Variants in CFHR4 observed in about 807,000 individuals in gnomAD.
The protein encoded by CFHR4 is complement factor H-related protein 4.
CFHR4 carries 64 observed loss-of-function variants against 69.3 expected under a neutral mutation model. The observed-to-expected ratio is 0.92, with a 90% CI of 0.76 to 1.14. CFHR4 has a LOEUF of 1.14. Among genes scored for constraint, CFHR4 ranks in the 50% most tolerant of loss-of-function variants. CFHR4 has a pLI of 0.00. For missense variants in CFHR4, 636 were observed against 684.9 expected, an observed-to-expected ratio of 0.93 and a Z score of 0.80; for synonymous variants, 244 against 237.0, an observed-to-expected ratio of 1.03 and a Z score of -0.27.
At chr1:196,906,443 A>T (rs1253914000) in intron 3 of CFHR4, among the ~76,000 whole-genome samples, 1 of 151,518 alleles carries the variant, frequency 6.6e-6, no homozygotes, top group East Asian at 1.9e-4. Flanking sequence ...ATATCCAATG[A>T]ATATAATTTT....
At chr1:196,918,146 T>A (rs1215985109) in intron 9 of CFHR4, 64 bp from the exon 10 acceptor site, 18 of 1,508,620 alleles carry the variant, frequency 1.2e-5, no homozygotes, top group Non-Finnish European at 1.6e-5. Context: ...CTCATTAGGA[T>A]GCATTTTATT....
chr1:196,905,003 C>T lies in CFHR4; in HGVS notation c.257-105C>T, dbSNP rs570800439. On this transcript the variant is annotated intron_variant, in intron 2 of 9. Transcript: ENST00000608469. ...AGTTTTGCTGTTTTCAATTCATTAA[C>T]AGATGTTTCATTGTTTCACCATACT... is the stretch of plus-strand genomic sequence containing the variant. 10 of 1,086,158 alleles carry T rather than the reference C, an allele frequency of 9.2e-6. No individual in the cohort carries two copies. In the African/African-American group the frequency reaches 1.6e-4, roughly 18 times the overall value. 67.3% of individuals were successfully genotyped at this position (1,086,158 alleles called of 1,614,324 possible).
chr1:196,913,614 G>A (rs1287597932), intron 7 of CFHR4, among the ~76,000 whole-genome samples: 1 of 151,274 alleles, frequency 6.6e-6, no homozygotes, highest in Non-Finnish European at 1.5e-5. Flanking sequence ...GGCAAAAGTT[G>A]ATTTTTTTTC....
intron 1 of CFHR4, among the ~76,000 whole-genome samples, chr1:196,900,148 T>A (rs1466607286): frequency 6.6e-6 from 1 of 151,328 alleles, no homozygotes; most frequent in Non-Finnish European, 1.5e-5. Flanking sequence ...GCAACCACTA[T>A]AAAAATTAGT....
rs1425251481 is a variant in CFHR4 at position 196,912,742 on chromosome 1, A to G, written c.1000A>G (p.Thr334Ala). The change falls in exon 7 of 10, where the codon ACA (threonine) becomes GCA (alanine). Residue 334 changes from threonine (T) to alanine (A), a missense_variant and splice_region_variant. This residue lies in a region of CFHR4 where 529 missense variants were observed against 533.2 expected (regional missense o/e 0.99). Coordinates refer to ENST00000608469, the MANE Select transcript of CFHR4 (RefSeq NM_001201550.3). ...TTTCTCTACTTTTTCTATTTTAGGAACATGCTCAAAATCAGATATAGAAAT... is the reference window on the plus strand; with the variant it reads ...TTTCTCTACTTTTTCTATTTTAGGAGCATGCTCAAAATCAGATATAGAAAT... The part of the protein sequence containing the change: ...GWLPTVPCLR[T>A]CSKSDIEIEN... 2.0e-5 allele frequency: 31 copies of G among 1,585,790 alleles called. No individual in the cohort carries two copies. Among genetic ancestry groups the G allele is most frequent in the Non-Finnish European group, 2.6e-5 (30 of 1,167,218 alleles).
At chr1:196,913,366 T>C (rs1039570628) in intron 7 of CFHR4, among the ~76,000 whole-genome samples, 2 of 151,414 alleles carry the variant, frequency 1.3e-5, no homozygotes, top group African/African-American at 4.9e-5. Flanking sequence ...ATCAGGAGAA[T>C]CAGACCGTAA....
rs1157281625 is a variant in CFHR4, at chr1:196,906,503, T to A, written c.440-358T>A. Among the ~76,000 whole-genome samples the A allele has an allele frequency of 1.3e-5, 2 of 151,550 alleles. 1 individual carries two copies. The highest frequency in any genetic ancestry group is 2.9e-5 in the Non-Finnish European group (2 of 67,924). On this transcript the variant is annotated intron_variant, in intron 3 of 9. Transcript: ENST00000608469. ...TAAACTGAGTACATAAATATGTACA[T>A]TAACTTTTAAATTCACAAAATTTTA...
At chr1:196,907,733 A>C (rs1483129655) in intron 5 of CFHR4, among the ~76,000 whole-genome samples, 6 of 151,480 alleles carry the variant, frequency 4.0e-5, no homozygotes, top group Non-Finnish European at 8.8e-5. Context: ...TCAATTTGTT[A>C]ATGGACACAA....
intron 7 of CFHR4, among the ~76,000 whole-genome samples, chr1:196,914,189 T>C (rs1189622029): frequency 6.6e-6 from 1 of 151,488 alleles, no homozygotes; most frequent in African/African-American, 2.4e-5. Flanking sequence ...GATTGTAGTA[T>C]CATAGTAGTA....
intron 1 of CFHR4, among the ~76,000 whole-genome samples, chr1:196,891,314 T>C (rs563368816): frequency 1.3e-5 from 2 of 151,588 alleles, no homozygotes; most frequent in Admixed American, 6.6e-5. Flanking sequence ...TTGGACTAAA[T>C]ATCCTGCAAT....
At chr1:196,910,567 G>A in intron 6 of CFHR4, 89 bp downstream of exon 6, 1 of 1,078,570 alleles carries the variant, frequency 9.3e-7, no homozygotes, top group Non-Finnish European at 1.4e-6. Context: ...TGTCTTATAT[G>A]ACAGAGATGG....
intron 6 of CFHR4, among the ~76,000 whole-genome samples, chr1:196,911,209 C>G (rs992484535): frequency 2.0e-5 from 3 of 151,442 alleles, no homozygotes; most frequent in Admixed American, 2.0e-4. Flanking sequence ...TAAATAGAAG[C>G]CTAGCTAGCT....
chr1:196,901,828 C>T (rs148438146), intron 1 of CFHR4, among the ~76,000 whole-genome samples: 4 of 151,288 alleles, frequency 2.6e-5, no homozygotes, highest in African/African-American at 7.3e-5. Flanking sequence ...ATGCTTATTA[C>T]ACTCTTAGAT....
At chr1:196,913,316 C>T (rs1658385220) in intron 7 of CFHR4, among the ~76,000 whole-genome samples, 1 of 151,382 alleles carries the variant, frequency 6.6e-6, no homozygotes, top group African/African-American at 2.4e-5. Flanking sequence ...TTGTACATGT[C>T]GGGGGAGAAA....
chr1:196,897,495 T>C (rs974668329), intron 1 of CFHR4, among the ~76,000 whole-genome samples: 1 of 151,412 alleles, frequency 6.6e-6, no homozygotes, highest in Non-Finnish European at 1.5e-5. Flanking sequence ...AAGAATTGGA[T>C]CACATGCGGG....
At chr1:196,909,318 G>A (rs1335674014) in intron 5 of CFHR4, among the ~76,000 whole-genome samples, 1 of 151,308 alleles carries the variant, frequency 6.6e-6, no homozygotes, top group Non-Finnish European at 1.5e-5. Context: ...ATTCAAGCAG[G>A]GAATTCTAGG....
chr1:196,910,751 T>C (rs902684361), intron 6 of CFHR4, among the ~76,000 whole-genome samples: 1 of 151,588 alleles, frequency 6.6e-6, no homozygotes, highest in Non-Finnish European at 1.5e-5. Flanking sequence ...CTGACCTTTT[T>C]GTACAAACAT....
At chr1:196,916,652 C>T (rs1288748970) in intron 9 of CFHR4, among the ~76,000 whole-genome samples, 2 of 151,728 alleles carry the variant, frequency 1.3e-5, no homozygotes, top group Admixed American at 1.3e-4. Context: ...CAAGTATCTT[C>T]AAACTTGATT....
Position 196,918,265 on chromosome 1 carries a change from A to G in CFHR4, c.1596A>G (p.Gly532=), listed in dbSNP as rs750066816. The G allele has an allele frequency of 4.4e-6, 7 of 1,607,794 alleles. No individual in the cohort carries two copies. The South Asian group carries it at 7.7e-5, about 18-fold the overall frequency. The change falls in exon 10 of 10, where the codon GGA becomes GGG. Residue 532 remains glycine, a synonymous_variant. Transcript: ENST00000608469. The stretch of plus-strand genomic sequence containing the variant: ...ATAAAAATAACATACAGTTAAAAGG[A>G]AAAAGTGACATAAAATATTATGCAA... ...NMNKNNIQLK[G]KSDIKYYAKT...
Sources: allele counts gnomAD v4.1 joint callset (sites outside exome capture counted in the v4.1 genomes callset), GRCh38; gene constraint gnomAD v4.1.1; regional missense constraint gnomAD v4.1.1; transcripts MANE v1.5; gene names NCBI Gene and HGNC (gene_info 2026-07-23, HGNC 2026-07-21).